SH3KBP1: variants seen among roughly 807,000 people sequenced by gnomAD.
SH3KBP1 encodes the protein SH3 domain-containing kinase-binding protein 1.
SH3KBP1 carries 8 observed loss-of-function variants against 50.1 expected under a neutral mutation model. The ratio of observed to expected loss-of-function variants is 0.16; its 90% CI spans 0.09 to 0.29. The LOEUF (loss-of-function observed/expected upper bound fraction) is 0.29. Among genes scored for constraint, SH3KBP1 ranks in the 10% least tolerant of loss-of-function variants. SH3KBP1 has a pLI of 1.00. For synonymous variants in SH3KBP1, 227 were observed against 218.6 expected (o/e 1.04, Z -0.34); for missense variants, 377 against 535.2 (o/e 0.70, Z 2.92).
chrX:19,774,033 C>G (rs1191176593), intron 2 of SH3KBP1, among the ~76,000 whole-genome samples: 1 of 109,904 alleles, frequency 9.1e-6, no homozygotes, highest in African/African-American at 3.3e-5. Context: ...ACGGAATTAG[C>G]AGCTGTTTGT....
chrX:19,828,436 G>A (rs1488282286), intron 2 of SH3KBP1, among the ~76,000 whole-genome samples: 1 of 111,827 alleles, frequency 8.9e-6, no homozygotes, highest in East Asian at 2.8e-4. Context: ...ACTTGGGCAG[G>A]CCAAGGCGGG....
At chrX:19,683,114 G>C (rs2063093944) in intron 6 of SH3KBP1, among the ~76,000 whole-genome samples, 1 of 111,264 alleles carries the variant, frequency 9.0e-6, no homozygotes, top group African/African-American at 3.3e-5. Context: ...CAACTCCTAA[G>C]CAAGGCTACA....
intron 2 of SH3KBP1, among the ~76,000 whole-genome samples, chrX:19,812,087 G>A (rs2067223113): frequency 9.0e-6 from 1 of 111,314 alleles, no homozygotes; most frequent in African/African-American, 3.3e-5. Flanking sequence ...ACAAACTCAG[G>A]CAAGCCCACT....
At chrX:19,796,452 G>A (rs2066719123) in intron 2 of SH3KBP1, among the ~76,000 whole-genome samples, 2 of 111,921 alleles carry the variant, frequency 1.8e-5, no homozygotes, top group Admixed American at 9.5e-5. Context: ...CCATTTAGGT[G>A]GTGCCTTGGG....
intron 13 of SH3KBP1, among the ~76,000 whole-genome samples, chrX:19,557,593 A>G (rs2065530979): frequency 2.7e-5 from 3 of 112,157 alleles, no homozygotes; most frequent in African/African-American, 9.7e-5. Flanking sequence ...GAGTGCATAG[A>G]TTATGGGTAA....
At chrX:19,707,610 C>A (rs1412426891) in intron 3 of SH3KBP1, among the ~76,000 whole-genome samples, 1 of 111,237 alleles carries the variant, frequency 9.0e-6, no homozygotes, top group Non-Finnish European at 1.9e-5. Context: ...GGATCCCCAG[C>A]TACTTACGCA....
At chrX:19,871,903 GAC>G (rs1369144425) in intron 1 of SH3KBP1, among the ~76,000 whole-genome samples, 3 of 110,945 alleles carry the variant, frequency 2.7e-5, no homozygotes, top group Non-Finnish European at 5.7e-5. Context: ...GGGCCTTCAG[GAC>G]ACAGTTTTCC....
In SH3KBP1 at chrX:19,560,564, C is replaced by T. The variant is rs756186091; in HGVS notation, c.1384+8539G>A. Among the ~76,000 whole-genome samples the T allele has an allele frequency of 7.2e-5, 8 of 110,992 alleles. No individual in the cohort carries two copies. In the East Asian group the frequency reaches 2.3e-3, roughly 32 times the overall value. The stretch of plus-strand genomic sequence containing the variant: ...CCTGCCTCCCAAAGTGCTGGGATTA[C>T]AGGAATGAGACCCCATGCACTGCCT... On this transcript the variant is annotated intron_variant, in intron 13 of 17. Coordinates refer to ENST00000397821, the MANE Select transcript of SH3KBP1 (RefSeq NM_031892.3).
intron 15 of SH3KBP1, among the ~76,000 whole-genome samples, chrX:19,543,348 T>C (rs927948957): frequency 1.8e-5 from 2 of 111,309 alleles, no homozygotes; most frequent in South Asian, 3.8e-4. Context: ...TTTTGACACA[T>C]TGGATTTTAG....
At chrX:19,595,070 G>A in intron 9 of SH3KBP1, 70 bp from the exon 10 acceptor site, 1 of 786,153 alleles carries the variant, frequency 1.3e-6, no homozygotes, top group Non-Finnish European at 2.0e-6. Flanking sequence ...AAGGACCACA[G>A]ACATTGTTTT....
rs2069630704 is a variant in SH3KBP1, at chrX:19,887,454, G to A, written c.-144C>T. 2.6e-6 allele frequency: 1 copy of A among 387,987 alleles called. No individual in the cohort carries two copies. Among genetic ancestry groups the A allele is most frequent in the African/African-American group, 2.7e-5 (1 of 37,049 alleles). The allele number at this position is 387,987 out of a possible 1,213,427, so 32.0% of individuals were successfully genotyped here. A position where few individuals can be genotyped will look rare whatever the true frequency, so the allele number is the denominator to read the frequency against. On this transcript the variant is annotated 5_prime_UTR_variant, in exon 1 of 18. Transcript: ENST00000397821. Reference sequence around the variant, plus strand: ...CGGCTGGGCCGGCTTCTTCCTCAGTGGCGGCGGCGGCGGCTCAGCGCCGCC... The same window carrying A: ...CGGCTGGGCCGGCTTCTTCCTCAGTAGCGGCGGCGGCGGCTCAGCGCCGCC...
intron 8 of SH3KBP1, among the ~76,000 whole-genome samples, chrX:19,609,725 T>C (rs73631363): frequency 8.9e-6 from 1 of 111,929 alleles, no homozygotes; most frequent in African/African-American, 3.2e-5. Context: ...TGTTAGATCA[T>C]ACATTCCAGC....
intron 2 of SH3KBP1, among the ~76,000 whole-genome samples, chrX:19,749,560 C>T (rs2065008575): frequency 8.9e-6 from 1 of 112,683 alleles, no homozygotes; most frequent in Non-Finnish European, 1.9e-5. Flanking sequence ...ATAAAACACA[C>T]AAAGGGATAA....
chrX:19,873,273 CATATATATATATATATGTATATATATAT>C (rs954295291), intron 1 of SH3KBP1, among the ~76,000 whole-genome samples: 5 of 78,616 alleles, frequency 6.4e-5, no homozygotes, highest in Non-Finnish European at 1.2e-4. Context: ...AAAACAAGGA[CATATATATATATATATGTATATATATAT>C]ATATATATAT....
intron 9 of SH3KBP1, among the ~76,000 whole-genome samples, chrX:19,604,433 A>T (rs2067182270): frequency 1.8e-5 from 2 of 111,806 alleles, no homozygotes; most frequent in Non-Finnish European, 3.8e-5. Flanking sequence ...AAAATATGTC[A>T]GCCTTATCAG....
intron 2 of SH3KBP1, among the ~76,000 whole-genome samples, chrX:19,805,904 G>C (rs1413232206): frequency 9.0e-6 from 1 of 111,596 alleles, no homozygotes; most frequent in South Asian, 3.8e-4. Context: ...GCACACAGTG[G>C]GTGCTCAGTT....
chrX:19,884,221 A>C (rs1387675371), intron 1 of SH3KBP1, among the ~76,000 whole-genome samples: 1 of 112,677 alleles, frequency 8.9e-6, no homozygotes, highest in Non-Finnish European at 1.9e-5. Context: ...CTGCCATGAG[A>C]ATTGCATTCA....
At chrX:19,877,796 T>G (rs747728517) in intron 1 of SH3KBP1, among the ~76,000 whole-genome samples, 1 of 112,257 alleles carries the variant, frequency 8.9e-6, no homozygotes, top group East Asian at 2.8e-4. Context: ...ATTGAAATGT[T>G]TATAGTATTT....
chrX:19,802,167 C>A (rs768421748), intron 2 of SH3KBP1, among the ~76,000 whole-genome samples: 2 of 110,123 alleles, frequency 1.8e-5, no homozygotes, highest in East Asian at 5.7e-4. Flanking sequence ...CCCAGGTGGG[C>A]GGATCACTTG....
Sources: gnomAD v4.1 joint callset for allele counts (sites outside exome capture counted in the v4.1 genomes callset) on GRCh38, gnomAD v4.1.1 for gene constraint, MANE v1.5 for transcripts, NCBI Gene and HGNC (gene_info 2026-07-23, HGNC 2026-07-21) for gene names.